Variants in NET1 observed in about 807,000 individuals in gnomAD.
NET1 encodes neuroepithelial cell-transforming gene 1 protein.
In NET1, 42 loss-of-function variants were observed where a neutral mutation model predicts 61.1. That is an observed-to-expected ratio of 0.69 (90% CI 0.54 to 0.89). NET1 has a LOEUF of 0.89. NET1 is among the 40% of genes least tolerant of loss of function. The pLI is 0.00. For synonymous variants in NET1, 254 were observed against 281.8 expected (o/e 0.90, Z 0.99); for missense variants, 654 against 747.3 (o/e 0.88, Z 1.46).
rs1280728294 is a variant in NET1 at position 5,435,275 on chromosome 10, A to T, written c.255+6046A>T. 3.3e-5 allele frequency among the ~76,000 whole-genome samples: 5 copies of T among 152,220 alleles called. No homozygotes were observed. Among genetic ancestry groups the T allele is most frequent in the South Asian group, 4.1e-4 (2 of 4,836 alleles). On this transcript the variant is annotated intron_variant, in intron 3 of 11. Transcript: ENST00000355029. This position sits in a 1 kb window ranked among gnomAD's most constrained non-coding sequence, Gnocchi z 5.0. Reference sequence around the variant, plus strand: ...ATTTTTCTTTTTATTTTTTAAAGATACCAGGTGATTCTCATGTATAGCTAG... The same window carrying T: ...ATTTTTCTTTTTATTTTTTAAAGATTCCAGGTGATTCTCATGTATAGCTAG...
chr10:5,432,552 T>G (rs1832364843), intron 3 of NET1, among the ~76,000 whole-genome samples: 1 of 151,462 alleles, frequency 6.6e-6, no homozygotes, highest in Non-Finnish European at 1.5e-5. Context: ...CACCAACAGC[T>G]CATTTGGTTT....
rs1832491562 is a variant in NET1 at position 5,439,550 on chromosome 10, G to C, written c.255+10321G>C. 6.6e-6 allele frequency among the ~76,000 whole-genome samples: 1 copy of C among 152,192 alleles called. No individual in the cohort carries two copies. The highest frequency in any genetic ancestry group is 1.5e-5 in the Non-Finnish European group (1 of 68,036). ...CTGTACCTCCCAACCTTCTGACTCAGTTGATGTGACCCTGTTTGTTTTGGG... is the reference window on the plus strand; with the variant it reads ...CTGTACCTCCCAACCTTCTGACTCACTTGATGTGACCCTGTTTGTTTTGGG... On this transcript the variant is annotated intron_variant, in intron 3 of 11. Transcript: ENST00000355029. This position sits in a 1 kb window ranked among gnomAD's most constrained non-coding sequence, Gnocchi z 4.8.
rs1332419507 is a variant in NET1, at chr10:5,453,081, G to GT, written c.594+162dup. Reference sequence around the variant, plus strand: ...GGTCTAGACACATCCTCAAATACAAGTATTAGTAAGAGAGTTTATTTGGGG... The same window carrying GT: ...GGTCTAGACACATCCTCAAATACAAGTTATTAGTAAGAGAGTTTATTTGGGG... On this transcript the variant is annotated intron_variant, in intron 6 of 11. Coordinates refer to ENST00000355029, the MANE Select transcript of NET1 (RefSeq NM_001047160.3). The surrounding 1 kb of genome is among the most constrained non-coding windows in gnomAD (Gnocchi z 4.9). The GT allele has an allele frequency of 2.7e-5, 19 of 704,924 alleles. 1 individual carries two copies. The African/African-American group carries it at 3.0e-4, about 11-fold the overall frequency. The allele number at this position is 704,924 out of a possible 1,614,324, so 43.7% of individuals were successfully genotyped here. A position where few individuals can be genotyped will look rare whatever the true frequency, so the allele number is the denominator to read the frequency against.
chr10:5,445,970 T>C (rs971483817), intron 3 of NET1, among the ~76,000 whole-genome samples: 3 of 152,120 alleles, frequency 2.0e-5, no homozygotes, highest in Non-Finnish European at 4.4e-5. Flanking sequence ...ACACAGATAA[T>C]CAAGTTTTTA....
Position 5,426,748 on chromosome 10 carries a change from C to G in NET1, c.195+27C>G. The G allele has an allele frequency of 6.6e-7, 1 of 1,505,892 alleles. No homozygotes were observed. The highest frequency in any genetic ancestry group is 1.2e-5 in the South Asian group (1 of 83,234). The allele number at this position is 1,505,892 out of a possible 1,614,324, so 93.3% of individuals were successfully genotyped here. A position where few individuals can be genotyped will look rare whatever the true frequency, so the allele number is the denominator to read the frequency against. On this transcript the variant is annotated intron_variant, in intron 2 of 11. Coordinates refer to ENST00000355029, the MANE Select transcript of NET1 (RefSeq NM_001047160.3). The surrounding 1 kb of genome is among the most constrained non-coding windows in gnomAD (Gnocchi z 4.6). ...TGAGTAGATACCTGGGTTTTTATTTCGAGACATTAGATAGAATTAATTCCC... is the reference window on the plus strand; with the variant it reads ...TGAGTAGATACCTGGGTTTTTATTTGGAGACATTAGATAGAATTAATTCCC...
At chr10:5,413,480 C>T (rs1832035076) in intron 1 of NET1, among the ~76,000 whole-genome samples, 1 of 149,822 alleles carries the variant, frequency 6.7e-6, no homozygotes, top group African/African-American at 2.4e-5. Flanking sequence ...GTGTTTGGCT[C>T]AGTGAAATTT....
rs988838838 is a variant in NET1, at chr10:5,416,557, A to T, written c.128+3737A>T. On this transcript the variant is annotated intron_variant, in intron 1 of 11. Transcript: ENST00000355029. The surrounding 1 kb of genome is among the most constrained non-coding windows in gnomAD (Gnocchi z 6.1). ...AAGGGATGTTTTTCCAATTATTTAG[A>T]TCTTTAATTATTTTCAACAGTGTTT... Among the ~76,000 whole-genome samples, 5 of 152,102 alleles carry T rather than the reference A, an allele frequency of 3.3e-5. No individual in the cohort carries two copies. Among genetic ancestry groups the T allele is most frequent in the African/African-American group, 4.8e-5 (2 of 41,406 alleles).
intron 2 of NET1, among the ~76,000 whole-genome samples, chr10:5,428,034 G>C: frequency 9.2e-6 from 1 of 108,838 alleles, no homozygotes; most frequent in Non-Finnish European, 1.7e-5. Context: ...GGACTTTGCC[G>C]TTCCTTTTTT....
At chr10:5,433,948 A>G (rs1311316363) in intron 3 of NET1, among the ~76,000 whole-genome samples, 1 of 151,584 alleles carries the variant, frequency 6.6e-6, no homozygotes, top group Non-Finnish European at 1.5e-5. Context: ...TCTTAGTTCT[A>G]TCACCTCTCA....
rs1390712396 is a variant in NET1 at position 5,443,767 on chromosome 10, A to G, written c.256-8063A>G. ...TTTACATATAAAGACTTCTACCTTT[A>G]CCTCTTGGGTCCCCAGCTGAAGGAG... is the stretch of plus-strand genomic sequence containing the variant. On this transcript the variant is annotated intron_variant, in intron 3 of 11. Coordinates refer to ENST00000355029, the MANE Select transcript of NET1 (RefSeq NM_001047160.3). The surrounding 1 kb of genome is among the most constrained non-coding windows in gnomAD (Gnocchi z 4.8). 2.0e-5 allele frequency among the ~76,000 whole-genome samples: 3 copies of G among 152,110 alleles called. No individual in the cohort carries two copies. Among genetic ancestry groups the G allele is most frequent in the Non-Finnish European group, 4.4e-5 (3 of 68,018 alleles).
Position 5,440,884 on chromosome 10 carries a change from T to C in NET1, c.256-10946T>C, listed in dbSNP as rs943915252. Among the ~76,000 whole-genome samples, 1 of 152,188 alleles carries C rather than the reference T, an allele frequency of 6.6e-6. No homozygotes were observed. Among genetic ancestry groups the C allele is most frequent in the African/African-American group, 2.4e-5 (1 of 41,458 alleles). Reference sequence around the variant, plus strand: ...ACCATTTTACTAGTGAGTGAGTCTGTTTCAGAGTCCCATCCTGTGTTTCTG... The same window carrying C: ...ACCATTTTACTAGTGAGTGAGTCTGCTTCAGAGTCCCATCCTGTGTTTCTG... On this transcript the variant is annotated intron_variant, in intron 3 of 11. Transcript: ENST00000355029. This position sits in a 1 kb window ranked among gnomAD's most constrained non-coding sequence, Gnocchi z 4.1.
Position 5,415,045 on chromosome 10 carries a change from T to A in NET1, c.128+2225T>A, listed in dbSNP as rs1832056025. On this transcript the variant is annotated intron_variant, in intron 1 of 11. Transcript: ENST00000355029. This position sits in a 1 kb window ranked among gnomAD's most constrained non-coding sequence, Gnocchi z 4.7. The stretch of plus-strand genomic sequence containing the variant: ...ACATATTCCTTTTCCAGAAAAGATG[T>A]AAGATCATCTACAAGAATACGTAAA... Among the ~76,000 whole-genome samples the A allele has an allele frequency of 6.6e-6, 1 of 152,188 alleles. No individual in the cohort carries two copies. Among genetic ancestry groups the A allele is most frequent in the Non-Finnish European group, 1.5e-5 (1 of 68,036 alleles).
rs1832356428 is a variant in NET1, at chr10:5,431,924, G to A, written c.255+2695G>A. Among the ~76,000 whole-genome samples, 1 of 152,114 alleles carries A rather than the reference G, an allele frequency of 6.6e-6. No homozygotes were observed. Among genetic ancestry groups the A allele is most frequent in the Non-Finnish European group, 1.5e-5 (1 of 68,018 alleles). ...TGGCCTCATTTCAGTTATTCTTACTGATGCCTCACATATCTGTCTTTGGCT... is the reference window on the plus strand; with the variant it reads ...TGGCCTCATTTCAGTTATTCTTACTAATGCCTCACATATCTGTCTTTGGCT... On this transcript the variant is annotated intron_variant, in intron 3 of 11. Transcript: ENST00000355029. The surrounding 1 kb of genome is among the most constrained non-coding windows in gnomAD (Gnocchi z 4.9).
Position 5,420,372 on chromosome 10 carries a change from C to T in NET1, c.129-6283C>T, listed in dbSNP as rs1832152206. On this transcript the variant is annotated intron_variant, in intron 1 of 11. Coordinates refer to ENST00000355029, the MANE Select transcript of NET1 (RefSeq NM_001047160.3). The surrounding 1 kb of genome is among the most constrained non-coding windows in gnomAD (Gnocchi z 5.3). ...CTGTACAGTGAGATATTATAATATA[C>T]AATTTTTATAACTCAGGTGGAATAT... is the stretch of plus-strand genomic sequence containing the variant. Among the ~76,000 whole-genome samples, 1 of 152,018 alleles carries T rather than the reference C, an allele frequency of 6.6e-6. No individual in the cohort carries two copies.
intron 3 of NET1, among the ~76,000 whole-genome samples, chr10:5,436,175 GTGTGTGTGTGT>G (rs1832426350): frequency 1.2e-5 from 1 of 80,350 alleles, no homozygotes; most frequent in South Asian, 5.1e-4. Flanking sequence ...GTGTGTGTGT[GTGTGTGTGTGT>G]TGTGTGTGTG....
rs149151458 is a variant in NET1, at chr10:5,447,382, C to T, written c.256-4448C>T. 1.4e-4 allele frequency among the ~76,000 whole-genome samples: 22 copies of T among 152,196 alleles called. 1 individual carries two copies. In the East Asian group the frequency reaches 3.5e-3, roughly 24 times the overall value. Reference sequence around the variant, plus strand: ...TAAACCAGTGACTCATTATTTTTACCCTCCTTGCTTTGTCTGAGTCTTTTT... The same window carrying T: ...TAAACCAGTGACTCATTATTTTTACTCTCCTTGCTTTGTCTGAGTCTTTTT... On this transcript the variant is annotated intron_variant, in intron 3 of 11. Transcript: ENST00000355029. This position sits in a 1 kb window ranked among gnomAD's most constrained non-coding sequence, Gnocchi z 4.1.
At position 5,427,024 on chromosome 10, in the gene NET1, A is replaced by G. The variant is rs1251576898; in HGVS notation, c.195+303A>G. 6.6e-6 allele frequency among the ~76,000 whole-genome samples: 1 copy of G among 152,124 alleles called. No homozygotes were observed. Among genetic ancestry groups the G allele is most frequent in the Non-Finnish European group, 1.5e-5 (1 of 67,990 alleles). On this transcript the variant is annotated intron_variant, in intron 2 of 11. Coordinates refer to ENST00000355029, the MANE Select transcript of NET1 (RefSeq NM_001047160.3). The surrounding 1 kb of genome is among the most constrained non-coding windows in gnomAD (Gnocchi z 4.1). ...CTGATAATATATTATGAAACATGAA[A>G]TTATTTTTATACATCCTCTACTGCC...
At position 5,427,489 on chromosome 10, in the gene NET1, T is replaced by A. The variant is rs186502893; in HGVS notation, c.195+768T>A. Among the ~76,000 whole-genome samples, 140 of 152,294 alleles carry A rather than the reference T, an allele frequency of 9.2e-4. No individual in the cohort carries two copies. The highest frequency in any genetic ancestry group is 1.2e-4 in the Non-Finnish European group (8 of 68,014). On this transcript the variant is annotated intron_variant, in intron 2 of 11. Transcript: ENST00000355029. The surrounding 1 kb of genome is among the most constrained non-coding windows in gnomAD (Gnocchi z 4.1). ...CTCTAACCATGTCAACAGTACCATA[T>A]GTATCCTTCTATATTTTGCTCATAT...
At position 5,443,304 on chromosome 10, in the gene NET1, AATTGAGATAATAAGT is replaced by A. The variant is rs1832553914; in HGVS notation, c.256-8524_256-8510del. On this transcript the variant is annotated intron_variant, in intron 3 of 11. Coordinates refer to ENST00000355029, the MANE Select transcript of NET1 (RefSeq NM_001047160.3). This position sits in a 1 kb window ranked among gnomAD's most constrained non-coding sequence, Gnocchi z 4.8. ...CAGTCCTAGTTTCCTCCTTCTCTAA[AATTGAGATAATAAGT>A]ACTTCATAGAGTTGATTAAGATAAC... Among the ~76,000 whole-genome samples the A allele has an allele frequency of 6.6e-6, 1 of 152,220 alleles. No individual in the cohort carries two copies. The highest frequency in any genetic ancestry group is 1.5e-5 in the Non-Finnish European group (1 of 68,048).
Sources: gnomAD v4.1 joint callset for allele counts (sites outside exome capture counted in the v4.1 genomes callset) on GRCh38, gnomAD v4.1.1 for gene constraint, Gnocchi (gnomAD v3.1) non-coding constraint, MANE v1.5 for transcripts, NCBI Gene and HGNC (gene_info 2026-07-23, HGNC 2026-07-21) for gene names.